ARMH4: variants seen among roughly 807,000 people sequenced by gnomAD.
The protein encoded by ARMH4 is armadillo like helical domain containing 4, also known as armadillo-like helical domain-containing protein 4.
ARMH4 carries 49 observed loss-of-function variants against 61.9 expected under a neutral mutation model. The ratio of observed to expected loss-of-function variants is 0.79; its 90% CI spans 0.63 to 1.00. The LOEUF is 1.00. ARMH4 is among the 50% of genes least tolerant of loss of function. ARMH4 has a pLI of 0.00. For missense variants in ARMH4, 934 were observed against 930.0 expected (o/e 1.00, Z -0.06); for synonymous variants, 368 against 341.5 (o/e 1.08, Z -0.85).
At chr14:58,034,202 C>A (rs1174859668) in intron 5 of ARMH4, among the ~76,000 whole-genome samples, 4 of 137,148 alleles carry the variant, frequency 2.9e-5, no homozygotes, top group African/African-American at 8.2e-5. Context: ...AATAGCGGAT[C>A]TCTCGGCAGA....
At chr14:58,053,824 T>C (rs1884228745) in intron 5 of ARMH4, among the ~76,000 whole-genome samples, 1 of 152,216 alleles carries the variant, frequency 6.6e-6, no homozygotes, top group African/African-American at 2.4e-5. Context: ...TCACATGTGC[T>C]ACAGGTCACG....
intron 5 of ARMH4, 88 bp downstream of exon 5, chr14:58,096,636 C>T (rs1311938310): frequency 7.6e-6 from 11 of 1,444,644 alleles, no homozygotes; most frequent in African/African-American, 4.3e-5. Context: ...TTTTTCTTTA[C>T]AATAGATGGC....
rs892465134 is a variant in ARMH4, at chr14:58,068,734, C to T, written c.2089+27990G>A. 1.1e-4 allele frequency among the ~76,000 whole-genome samples: 17 copies of T among 152,112 alleles called. 2 individuals carry two copies. The highest frequency in any genetic ancestry group is 7.2e-4 in the Admixed American group (11 of 15,270). On this transcript the variant is annotated intron_variant, in intron 5 of 7. Coordinates refer to ENST00000267485, the MANE Select transcript of ARMH4 (RefSeq NM_001001872.4). ...CTTAAAGAAGACTCTAGGCCACGCG[C>T]GGTGGCTCACACCTGTAATCCCAAC...
intron 5 of ARMH4, among the ~76,000 whole-genome samples, chr14:58,087,910 C>A (rs182477806): frequency 1.9e-4 from 29 of 152,234 alleles, no homozygotes; most frequent in African/African-American, 6.0e-4. Flanking sequence ...CACAGAGTAC[C>A]TTAAATTCTT....
At position 58,005,112 on chromosome 14, in the gene ARMH4, G is replaced by T; in HGVS notation, c.2192C>A (p.Ala731Asp). Reference sequence around the variant, plus strand: ...ATTCATAACCTTAATGCTGTAGAGGGCTCCCAAGATGAACAAGGCTCCAGC... The same window carrying T: ...ATTCATAACCTTAATGCTGTAGAGGTCTCCCAAGATGAACAAGGCTCCAGC... ...GIAGALFILGALYSIKVMNRR... is the reference protein window; with the variant it reads ...GIAGALFILGDLYSIKVMNRR... The change falls in exon 7 of 8, where the codon GCC becomes GAC. Residue 731 changes from alanine to aspartate, a missense_variant. Coordinates refer to ENST00000267485, the MANE Select transcript of ARMH4 (RefSeq NM_001001872.4). 1 of 1,613,962 alleles carries T rather than the reference G, an allele frequency of 6.2e-7. No homozygotes were observed. Among genetic ancestry groups the T allele is most frequent in the Non-Finnish European group, 8.5e-7 (1 of 1,179,912 alleles).
chr14:58,086,622 A>G (rs1220444526), intron 5 of ARMH4, among the ~76,000 whole-genome samples: 1 of 152,058 alleles, frequency 6.6e-6, no homozygotes, highest in Non-Finnish European at 1.5e-5. Flanking sequence ...TCTCCTCCCA[A>G]CTGTGCTTGA....
intron 4 of ARMH4, among the ~76,000 whole-genome samples, chr14:58,130,803 A>G (rs1887067339): frequency 6.6e-6 from 1 of 152,220 alleles, no homozygotes; most frequent in Non-Finnish European, 1.5e-5. Flanking sequence ...AACCAGAGCA[A>G]TGCTGTTAAA....
intron 3 of ARMH4, 94 bp from the exon 4 acceptor site, chr14:58,131,815 A>G: frequency 1.7e-6 from 2 of 1,209,810 alleles, no homozygotes; most frequent in Non-Finnish European, 2.4e-6. Context: ...AAATGATTAA[A>G]CCAATATCAT....
At chr14:58,091,825 T>C (rs1251354000) in intron 5 of ARMH4, among the ~76,000 whole-genome samples, 3 of 152,162 alleles carry the variant, frequency 2.0e-5, no homozygotes. Context: ...GTTTGACCCA[T>C]CAGTCAATAC....
chr14:58,109,992 A>G (rs942767844), intron 4 of ARMH4, among the ~76,000 whole-genome samples: 3 of 152,188 alleles, frequency 2.0e-5, no homozygotes, highest in African/African-American at 7.2e-5. Flanking sequence ...TAGAACCATC[A>G]GATCTCATGA....
At chr14:58,096,682 G>A (rs1885760404) in intron 5 of ARMH4, 42 bp downstream of exon 5, 1 of 1,582,962 alleles carries the variant, frequency 6.3e-7, no homozygotes, top group African/African-American at 1.3e-5. Context: ...AATATAAAAG[G>A]AGGGGAGAAG....
Position 58,138,596 on chromosome 14 carries a change from C to T in ARMH4, c.763G>A (p.Glu255Lys). The change falls in exon 2 of 8, where the codon GAG (glutamate) becomes AAG (lysine). Residue 255 changes from glutamate (E) to lysine (K), a missense_variant. Transcript: ENST00000267485. ...SEPGSLTPDK[E>K]KPSQMTADNT... ...TCAGCTGTCATCTGCGAAGGCTTCT[C>T]CTTATCAGGGGTGAGGCTTCCAGGC... 1 of 1,614,184 alleles carries T rather than the reference C, an allele frequency of 6.2e-7. No individual in the cohort carries two copies. The highest frequency in any genetic ancestry group is 2.2e-5 in the East Asian group (1 of 44,874).
chr14:58,056,281 C>G (rs1425316394), intron 5 of ARMH4, among the ~76,000 whole-genome samples: 1 of 152,202 alleles, frequency 6.6e-6, no homozygotes, highest in Non-Finnish European at 1.5e-5. Flanking sequence ...TGCAGTACTT[C>G]ATATCTATAG....
chr14:58,049,427 G>A (rs1884062188), intron 5 of ARMH4, among the ~76,000 whole-genome samples: 2 of 152,078 alleles, frequency 1.3e-5, no homozygotes, highest in South Asian at 4.1e-4. Context: ...GATAGTTTCA[G>A]CACCAAAAGT....
intron 1 of ARMH4, among the ~76,000 whole-genome samples, chr14:58,150,156 C>T (rs1380605556): frequency 6.6e-6 from 1 of 152,184 alleles, no homozygotes; most frequent in African/African-American, 2.4e-5. Context: ...ACAAATGTAG[C>T]CATTTGCTTG....
intron 5 of ARMH4, among the ~76,000 whole-genome samples, chr14:58,044,431 G>A (rs565530569): frequency 3.3e-5 from 5 of 152,166 alleles, no homozygotes; most frequent in Non-Finnish European, 7.3e-5. Flanking sequence ...GCTGAAACTG[G>A]ATCCATTCCT....
intron 5 of ARMH4, among the ~76,000 whole-genome samples, chr14:58,096,260 T>C (rs181741776): frequency 8.5e-5 from 13 of 152,326 alleles, no homozygotes; most frequent in Admixed American, 3.9e-4. Context: ...CCCTAGGTAA[T>C]AGATTCCCAA....
At chr14:58,114,221 T>C (rs998127293) in intron 4 of ARMH4, among the ~76,000 whole-genome samples, 2 of 152,204 alleles carry the variant, frequency 1.3e-5, no homozygotes, top group African/African-American at 4.8e-5. Flanking sequence ...CAGGGTGTGA[T>C]ACAAACCTGG....
chr14:58,029,472 G>A (rs11846736), intron 5 of ARMH4, among the ~76,000 whole-genome samples: 36,478 of 151,974 alleles, frequency 0.24, 4,799 homozygotes, highest in Non-Finnish European at 0.3. Context: ...GACCTCAGGT[G>A]ATCCGCCTAC....
Sources: gnomAD v4.1 joint callset for allele counts (sites outside exome capture counted in the v4.1 genomes callset) on GRCh38, gnomAD v4.1.1 for gene constraint, MANE v1.5 for transcripts, NCBI Gene and HGNC (gene_info 2026-07-23, HGNC 2026-07-21) for gene names.